DOCK4: variants seen among roughly 807,000 people sequenced by gnomAD.
DOCK4 encodes the protein dedicator of cytokinesis protein 4.
Under a neutral mutation model 268.1 loss-of-function variants are expected in DOCK4, and 97 were observed. The ratio of observed to expected loss-of-function variants is 0.36; its 90% CI spans 0.31 to 0.43. The LOEUF (loss-of-function observed/expected upper bound fraction) is 0.43. DOCK4 is among the 20% of genes least tolerant of loss of function. DOCK4 has a pLI of 1.00. For synonymous variants in DOCK4, 954 were observed against 887.2 expected (o/e 1.08, Z -1.34); for missense variants, 2,145 against 2,455.7 (o/e 0.87, Z 2.67).
At position 112,096,827 on chromosome 7, in the gene DOCK4, G is replaced by A. The variant is rs543133577; in HGVS notation, c.38-92696C>T. ...ACAAGCCAAGCCAGTATGGAGAAGG[G>A]CAACTGGACATTCTGACAGTGGGTT... On this transcript the variant is annotated intron_variant, in intron 1 of 52. Coordinates refer to ENST00000428084, the MANE Select transcript of DOCK4 (RefSeq NM_001363540.2). Among the ~76,000 whole-genome samples, 27 of 152,284 alleles carry A rather than the reference G, an allele frequency of 1.8e-4. No individual in the cohort carries two copies. The South Asian group carries it at 1.9e-3, about 11-fold the overall frequency.
At chr7:111,821,826 T>A (rs1802003547) in intron 27 of DOCK4, 2 of 152,430 alleles carry the variant, frequency 1.3e-5, no homozygotes, top group African/African-American at 4.8e-5. Context: ...AGATGCTTCA[T>A]GTATGTATTT....
chr7:111,868,447 AC>A (rs1806153822), intron 21 of DOCK4, among the ~76,000 whole-genome samples: 2 of 152,234 alleles, frequency 1.3e-5, no homozygotes, highest in Non-Finnish European at 2.9e-5. Context: ...ACGGTGGCTC[AC>A]GCCTGTAATC....
At position 112,084,206 on chromosome 7, in the gene DOCK4, T is replaced by C. The variant is rs142338788; in HGVS notation, c.38-80075A>G. 8.4e-4 allele frequency among the ~76,000 whole-genome samples: 128 copies of C among 152,292 alleles called. 4 individuals carry two copies. In the East Asian group the frequency reaches 0.022, roughly 26 times the overall value. On this transcript the variant is annotated intron_variant, in intron 1 of 52. Transcript: ENST00000428084. The stretch of plus-strand genomic sequence containing the variant: ...CTCTATCACAGAGAGTGAGAATGAA[T>C]GAAAATTAGTTTAAGCCACTGAGTT...
At chr7:112,084,695 T>A (rs996666880) in intron 1 of DOCK4, among the ~76,000 whole-genome samples, 1 of 152,122 alleles carries the variant, frequency 6.6e-6, no homozygotes, top group Non-Finnish European at 1.5e-5. Context: ...AAGAAAATCC[T>A]TGTTTTCTTA....
At chr7:112,033,102 T>A (rs1803428462) in intron 1 of DOCK4, among the ~76,000 whole-genome samples, 1 of 152,152 alleles carries the variant, frequency 6.6e-6, no homozygotes. Flanking sequence ...ATTTCCAATT[T>A]TTATACTGCA....
intron 12 of DOCK4, among the ~76,000 whole-genome samples, chr7:111,927,235 A>T (rs1336235399): frequency 1.3e-5 from 2 of 152,214 alleles, no homozygotes; most frequent in African/African-American, 4.8e-5. Context: ...TTGTGATTAT[A>T]ACTGCTGGTT....
intron 30 of DOCK4, among the ~76,000 whole-genome samples, chr7:111,795,955 G>T (rs940613853): frequency 6.6e-6 from 1 of 152,190 alleles, no homozygotes; most frequent in Admixed American, 6.5e-5. Flanking sequence ...GCTGTCCTAA[G>T]GCTGTCTCAG....
intron 1 of DOCK4, among the ~76,000 whole-genome samples, chr7:112,034,899 G>A (rs1803611074): frequency 1.3e-5 from 2 of 152,070 alleles, no homozygotes; most frequent in African/African-American, 4.8e-5. Context: ...AAATGACTCA[G>A]TCTCAAAACA....
Position 112,058,024 on chromosome 7 carries a change from A to ATTTTT in DOCK4, c.38-53898_38-53894dup, listed in dbSNP as rs67991598. On this transcript the variant is annotated intron_variant, in intron 1 of 52. Coordinates refer to ENST00000428084, the MANE Select transcript of DOCK4 (RefSeq NM_001363540.2). The stretch of plus-strand genomic sequence containing the variant: ...TACACATTTTGGAAGTACAGGTTCA[A>ATTTTT]TTTTTTTTTTTTTTTTTTTTTTTTT... 1.3e-3 allele frequency among the ~76,000 whole-genome samples: 149 copies of ATTTTT among 115,042 alleles called. 2 individuals are homozygous for ATTTTT. Among genetic ancestry groups the ATTTTT allele is most frequent in the African/African-American group, 4.4e-3 (138 of 31,286 alleles). The allele number at this position is 115,042 out of a possible 152,430, so 75.5% of individuals were successfully genotyped here. A position where few individuals can be genotyped will look rare whatever the true frequency, so the allele number is the denominator to read the frequency against.
chr7:111,917,968 ACTCT>A (rs1413517522), intron 12 of DOCK4, among the ~76,000 whole-genome samples: 1 of 152,050 alleles, frequency 6.6e-6, no homozygotes, highest in Non-Finnish European at 1.5e-5. Context: ...CTTCCCTTTT[ACTCT>A]CTTTCAATAA....
At chr7:112,120,335 G>C (rs1188846621) in intron 1 of DOCK4, among the ~76,000 whole-genome samples, 1 of 151,992 alleles carries the variant, frequency 6.6e-6, no homozygotes, top group Admixed American at 6.6e-5. Flanking sequence ...TGATAAAACT[G>C]TTTAGTAGCG....
chr7:111,909,389 T>C (rs1791899011), intron 13 of DOCK4, among the ~76,000 whole-genome samples: 2 of 152,222 alleles, frequency 1.3e-5, no homozygotes, highest in Non-Finnish European at 2.9e-5. Flanking sequence ...ATAACATTCT[T>C]CTAACTCCAG....
intron 36 of DOCK4, among the ~76,000 whole-genome samples, chr7:111,774,317 CTT>C (rs1189594019): frequency 6.6e-6 from 1 of 151,684 alleles, no homozygotes; most frequent in East Asian, 1.9e-4. Flanking sequence ...ATACAAAAAA[CTT>C]TAGCTGGGCA....
intron 8 of DOCK4, among the ~76,000 whole-genome samples, chr7:111,965,498 G>A (rs1421379525): frequency 2.2e-4 from 5 of 22,372 alleles, no homozygotes; most frequent in African/African-American, 4.4e-4. Flanking sequence ...TTCAACAAGA[G>A]GAGCTAACTA....
intron 30 of DOCK4, 184 bp downstream of exon 30, chr7:111,808,637 C>G (rs2133894621): frequency 3.8e-6 from 2 of 529,910 alleles, no homozygotes; most frequent in East Asian, 2.9e-5. Context: ...TCTTAGAGAC[C>G]AATTTAAAGA....
chr7:111,737,958 A>C (rs901725132), intron 49 of DOCK4, among the ~76,000 whole-genome samples: 1 of 152,234 alleles, frequency 6.6e-6, no homozygotes, highest in Non-Finnish European at 1.5e-5. Flanking sequence ...AGGATCACAC[A>C]ATCAGCAAAG....
intron 9 of DOCK4, 68 bp from the exon 10 acceptor site, chr7:111,944,939 T>G: frequency 1.6e-6 from 2 of 1,288,182 alleles, no homozygotes; most frequent in Non-Finnish European, 2.3e-6. Context: ...AGCACTTTAT[T>G]TTCACAAATA....
intron 1 of DOCK4, among the ~76,000 whole-genome samples, chr7:112,110,776 G>A (rs1811578654): frequency 6.6e-6 from 1 of 152,150 alleles, no homozygotes; most frequent in Non-Finnish European, 1.5e-5. Flanking sequence ...TTCCAGTATA[G>A]ACACAGTATC....
intron 23 of DOCK4, among the ~76,000 whole-genome samples, chr7:111,847,593 A>T (rs1204840622): frequency 6.6e-6 from 1 of 152,152 alleles, no homozygotes; most frequent in East Asian, 1.9e-4. Flanking sequence ...TAATTGAATC[A>T]TGGGGGTAGT....
Sources: allele counts gnomAD v4.1 joint callset (sites outside exome capture counted in the v4.1 genomes callset), GRCh38; gene constraint gnomAD v4.1.1; transcripts MANE v1.5; gene names NCBI Gene and HGNC (gene_info 2026-07-23, HGNC 2026-07-21).